NDUFA10: variants seen among roughly 807,000 people sequenced by gnomAD.
NDUFA10 encodes NADH dehydrogenase [ubiquinone] 1 alpha subcomplex subunit 10, mitochondrial.
NDUFA10 carries 40 observed loss-of-function variants against 47.8 expected under a neutral mutation model. The ratio of observed to expected loss-of-function variants is 0.84; its 90% CI spans 0.65 to 1.09. NDUFA10 has a LOEUF of 1.09. Among genes scored for constraint, NDUFA10 ranks in the 50% least tolerant of loss-of-function variants. NDUFA10 has a pLI of 0.00. For missense variants in NDUFA10, 413 were observed against 451.1 expected (o/e 0.92, Z 0.76); for synonymous variants, 183 against 172.2 (o/e 1.06, Z -0.49).
At chr2:240,017,159 A>G (rs1171104842) in intron 4 of NDUFA10, among the ~76,000 whole-genome samples, 1 of 152,160 alleles carries the variant, frequency 6.6e-6, no homozygotes, top group Non-Finnish European at 1.5e-5. Flanking sequence ...CAACCATTTT[A>G]AACTCACATC....
chr2:240,000,873 A>G (rs1437507416), intron 8 of NDUFA10, among the ~76,000 whole-genome samples: 1 of 152,274 alleles, frequency 6.6e-6, no homozygotes, highest in Non-Finnish European at 1.5e-5. Flanking sequence ...TGCAGGTTAT[A>G]GCATCTACGC....
intron 9 of NDUFA10, among the ~76,000 whole-genome samples, chr2:239,979,112 G>A (rs968780274): frequency 6.6e-6 from 1 of 152,146 alleles, no homozygotes; most frequent in African/African-American, 2.4e-5. Context: ...CCCTTTCTGG[G>A]CTCATCCATC....
At chr2:239,912,672 C>G (rs1265370198) in intron 4 of NDUFA10, among the ~76,000 whole-genome samples, 1 of 152,196 alleles carries the variant, frequency 6.6e-6, no homozygotes, top group African/African-American at 2.4e-5. Flanking sequence ...TTGGGGCCCA[C>G]AATGCTGGGG....
At chr2:240,011,880 T>C in intron 5 of NDUFA10, 184 bp from the exon 6 acceptor site, 2 of 647,336 alleles carry the variant, frequency 3.1e-6, no homozygotes, top group Non-Finnish European at 5.6e-6. Flanking sequence ...CTCCTTCTAC[T>C]ACAGTGAACA....
intron 4 of NDUFA10, 104 bp downstream of exon 4, chr2:240,018,449 T>C (rs1158887420): frequency 6.2e-7 from 1 of 1,602,070 alleles, no homozygotes; most frequent in South Asian, 1.1e-5. Flanking sequence ...TTTATTCATC[T>C]ATCTAACAGA....
At chr2:239,977,660 C>T (rs1695585753) in intron 9 of NDUFA10, among the ~76,000 whole-genome samples, 1 of 152,228 alleles carries the variant, frequency 6.6e-6, no homozygotes, top group Non-Finnish European at 1.5e-5. Context: ...ATGTTAAGCA[C>T]ACAAACTGCT....
intron 9 of NDUFA10, among the ~76,000 whole-genome samples, chr2:239,970,725 C>T (rs1003251537): frequency 4.6e-5 from 7 of 152,122 alleles, no homozygotes; most frequent in African/African-American, 1.7e-4. Flanking sequence ...TAGAGTTGCC[C>T]GTGGTGAAAC....
downstream of NDUFA10, among the ~76,000 whole-genome samples, chr2:239,955,292 C>G (rs949958135): frequency 6.6e-6 from 1 of 152,092 alleles, no homozygotes; most frequent in African/African-American, 2.4e-5. Flanking sequence ...GTGGAGAGAC[C>G]ATGAAAATAG....
chr2:239,964,618 T>C (rs1489820779), intron 9 of NDUFA10, among the ~76,000 whole-genome samples: 1 of 150,832 alleles, frequency 6.6e-6, no homozygotes, highest in Non-Finnish European at 1.5e-5. Context: ...TGCAGGAGAG[T>C]GTGGGTCAAC....
intron 9 of NDUFA10, among the ~76,000 whole-genome samples, chr2:239,963,832 G>C (rs1317329101): frequency 6.6e-6 from 1 of 152,208 alleles, no homozygotes; most frequent in Non-Finnish European, 1.5e-5. Flanking sequence ...TGAGGCCTGA[G>C]GCTGCAGAGG....
intron 4 of NDUFA10, among the ~76,000 whole-genome samples, chr2:239,905,354 G>A (rs1168162587): frequency 6.6e-6 from 1 of 152,228 alleles, no homozygotes; most frequent in African/African-American, 2.4e-5. Flanking sequence ...GGCTCAAAGG[G>A]CGTCTAGGTT....
rs1259426274 is a variant in NDUFA10, at chr2:239,928,762, T to C, written c.295-33448A>G. ...GGATGTCAGACCCTTCCGCGTTCCC[T>C]GCAGCGTCCCTTCCAAACAGGTGGT... On this transcript the variant is annotated intron_variant, in intron 4 of 5. Transcript: ENST00000419408. The surrounding 1 kb of genome is among the most constrained non-coding windows in gnomAD (Gnocchi z 4.3). 6.6e-6 allele frequency among the ~76,000 whole-genome samples: 1 copy of C among 152,198 alleles called. No homozygotes were observed. The highest frequency in any genetic ancestry group is 1.9e-4 in the East Asian group (1 of 5,186).
chr2:239,936,115 C>G (rs1694262533), intron 4 of NDUFA10, among the ~76,000 whole-genome samples: 1 of 152,220 alleles, frequency 6.6e-6, no homozygotes, highest in Non-Finnish European at 1.5e-5. Flanking sequence ...AGAACTTCTC[C>G]TGTTCAAGAG....
At chr2:239,983,650 G>T in intron 9 of NDUFA10, 1 of 1,580,672 alleles carries the variant, frequency 6.3e-7, no homozygotes, top group Admixed American at 1.8e-5. Flanking sequence ...AGGCTGCACT[G>T]ACAGCAAGTG....
chr2:239,931,184 G>A (rs79934815), intron 4 of NDUFA10, among the ~76,000 whole-genome samples: 10,508 of 152,198 alleles, frequency 0.069, 476 homozygotes, highest in Admixed American at 0.12. Context: ...GGGGCAGACC[G>A]GCTTAATCCA....
chr2:239,941,925 T>C (rs1275209605), intron 4 of NDUFA10, among the ~76,000 whole-genome samples: 3 of 152,174 alleles, frequency 2.0e-5, no homozygotes, highest in Non-Finnish European at 4.4e-5. Context: ...TAATATCAGT[T>C]TTCAACATAA....
intron 4 of NDUFA10, among the ~76,000 whole-genome samples, chr2:239,916,285 A>T (rs1297762005): frequency 6.6e-6 from 1 of 151,722 alleles, no homozygotes; most frequent in Non-Finnish European, 1.5e-5. Context: ...ACATACACAG[A>T]TACAAATATA....
At chr2:239,954,391 T>C (rs983208120), downstream of NDUFA10, among the ~76,000 whole-genome samples, 2 of 152,252 alleles carry the variant, frequency 1.3e-5, no homozygotes, top group Admixed American at 6.5e-5. Context: ...GGGCTCAACC[T>C]GCCCGGCTGG....
At chr2:240,019,472 TTTTTCA>T (rs1215405299) in intron 3 of NDUFA10, among the ~76,000 whole-genome samples, 1 of 152,328 alleles carries the variant, frequency 6.6e-6, no homozygotes, top group African/African-American at 2.4e-5. Context: ...AAAATGTTTC[TTTTTCA>T]TTTTAAGAAA....
Sources: gnomAD v4.1 joint callset for allele counts (sites outside exome capture counted in the v4.1 genomes callset) on GRCh38, gnomAD v4.1.1 for gene constraint, Gnocchi (gnomAD v3.1) non-coding constraint, MANE v1.5 for transcripts, NCBI Gene and HGNC (gene_info 2026-07-23, HGNC 2026-07-21) for gene names.